BSG: variants seen among roughly 807,000 people sequenced by gnomAD.
BSG encodes the protein basigin.
BSG carries 37 observed loss-of-function variants against 43.1 expected under a neutral mutation model. The ratio of observed to expected loss-of-function variants is 0.86; its 90% CI spans 0.66 to 1.13. The LOEUF is 1.13. Ranked by LOEUF, BSG falls within the 50% of genes most tolerant of loss-of-function variation. The pLI, the probability that BSG is intolerant of heterozygous loss-of-function variation, is 0.00. For missense variants in BSG, 599 were observed against 554.2 expected (o/e 1.08, Z -0.81); for synonymous variants, 309 against 238.7 (o/e 1.29, Z -2.72).
intron 1 of BSG, among the ~76,000 whole-genome samples, chr19:575,819 G>A (rs531528464): frequency 5.3e-5 from 8 of 152,192 alleles, no homozygotes; most frequent in South Asian, 4.1e-4. Flanking sequence ...GTCAGGCGCC[G>A]TCCCTCCTCC....
chr19:579,152 C>T (rs919211724), intron 2 of BSG: 2 of 481,364 alleles, frequency 4.2e-6, no homozygotes, highest in African/African-American at 2.0e-5. Context: ...TCTGTCCCCA[C>T]ACCCTGGTCC....
At chr19:575,160 C>G (rs1981649862) in intron 1 of BSG, 1 of 152,354 alleles carries the variant, frequency 6.6e-6, no homozygotes, top group Non-Finnish European at 1.5e-5. Context: ...GCAGTGCTGG[C>G]AGCGCCGCCG....
upstream of BSG, chr19:571,285 T>C: frequency 3.5e-6 from 2 of 563,458 alleles, no homozygotes; most frequent in Admixed American, 6.4e-5. Context: ...TTCCCGCCAG[T>C]GTAGCCACAT....
At chr19:581,681 C>T (rs1982339590) in intron 6 of BSG, 90 bp downstream of exon 6, 1 of 1,440,206 alleles carries the variant, frequency 6.9e-7, no homozygotes, top group African/African-American at 1.4e-5. Context: ...CACCGCTGAC[C>T]CAGAGCTTGG....
upstream of BSG, chr19:571,361 C>A (rs28989770): frequency 1.7e-6 from 1 of 603,308 alleles, no homozygotes; most frequent in Non-Finnish European, 3.0e-6. Context: ...ATTGCGACTC[C>A]GAGTTTAACT....
Position 577,767 on chromosome 19 carries a change from C to G in BSG, c.68-7C>G. Reference sequence around the variant, plus strand: ...CTAACAAGACCCCACGCGTGCTCTCCCCACAGCCGGCTTCGTCCAGGCGCC... The same window carrying G: ...CTAACAAGACCCCACGCGTGCTCTCGCCACAGCCGGCTTCGTCCAGGCGCC... On this transcript the variant is annotated splice_region_variant and splice_polypyrimidine_tract_variant and intron_variant, in intron 1 of 8. Transcript: ENST00000333511. 7.1e-7 allele frequency: 1 copy of G among 1,411,502 alleles called. No homozygotes were observed. The highest frequency in any genetic ancestry group is 9.2e-7 in the Non-Finnish European group (1 of 1,081,508). 87.4% of individuals were successfully genotyped at this position (1,411,502 alleles called of 1,614,324 possible).
Position 577,888 on chromosome 19 carries a change from A to G in BSG, c.182A>G (p.Gln61Arg), listed in dbSNP as rs1265127559. The change falls in exon 2 of 9, where the codon CAG (glutamine) becomes CGG (arginine). Residue 61 changes from glutamine (Q) to arginine (R), a missense_variant. Physicochemically the swap from Gln to Arg is conservative, Grantham distance 43 (BLOSUM62 1). Coordinates refer to ENST00000333511, the MANE Select transcript of BSG (RefSeq NM_001728.4). The part of the protein sequence containing the change: ...VPEIQWWFEG[Q>R]GPNDTCSQLW... ...GAGATCCAGTGGTGGTTTGAAGGGC[A>G]GGGTCCCAACGACACCTGCTCCCAG... 1.3e-6 allele frequency: 2 copies of G among 1,585,686 alleles called. No individual in the cohort carries two copies. The highest frequency in any genetic ancestry group is 1.7e-5 in the Admixed American group (1 of 58,174).
Position 579,700 on chromosome 19 carries a change from G to A in BSG, c.572+44G>A, listed in dbSNP as rs112540819. The A allele has an allele frequency of 3.9e-5, 61 of 1,566,936 alleles. 2 individuals carry two copies. In the African/African-American group the frequency reaches 5.0e-4, roughly 13 times the overall value. On this transcript the variant is annotated intron_variant, in intron 3 of 8. Coordinates refer to ENST00000333511, the MANE Select transcript of BSG (RefSeq NM_001728.4). The stretch of plus-strand genomic sequence containing the variant: ...CATGCCGCCACCTGCCCCTTCTCAC[G>A]GCTCTCTTGCCGCCAGCGGCCTGTG...
intron 1 of BSG, among the ~76,000 whole-genome samples, chr19:574,750 C>T (rs779190961): frequency 3.2e-4 from 49 of 152,158 alleles, no homozygotes; most frequent in Non-Finnish European, 5.0e-4. Context: ...TCCTGACCTA[C>T]GTCTGAGATT....
In BSG at chr19:577,885, G is replaced by C. The variant is rs530415157; in HGVS notation, c.179G>C (p.Gly60Ala). Residue 60 changes from glycine (G) to alanine (A), a missense_variant, in exon 2 of 9, where the codon GGG becomes GCG. Gly to Ala is a moderately conservative substitution (Grantham distance 60). Coordinates refer to ENST00000333511, the MANE Select transcript of BSG (RefSeq NM_001728.4). ...CCCGAGATCCAGTGGTGGTTTGAAG[G>C]GCAGGGTCCCAACGACACCTGCTCC... is the stretch of plus-strand genomic sequence containing the variant. ...PVPEIQWWFEGQGPNDTCSQL... is the reference protein window; with the variant it reads ...PVPEIQWWFEAQGPNDTCSQL... 6.3e-7 allele frequency: 1 copy of C among 1,582,568 alleles called. No individual in the cohort carries two copies. Among genetic ancestry groups the C allele is most frequent in the East Asian group, 2.3e-5 (1 of 43,874 alleles).
chr19:577,263 C>T (rs987116870), intron 1 of BSG, among the ~76,000 whole-genome samples: 5 of 152,194 alleles, frequency 3.3e-5, no homozygotes, highest in South Asian at 2.1e-4. Context: ...TCTGGGTCGC[C>T]GCCCTCAGAG....
At position 582,957 on chromosome 19, in the gene BSG, C is replaced by T. The variant is rs1198957264; in HGVS notation, c.*213C>T. The T allele has an allele frequency of 4.1e-6, 1 of 243,652 alleles. No homozygotes were observed. Among genetic ancestry groups the T allele is most frequent in the Non-Finnish European group, 8.2e-6 (1 of 122,696 alleles). 15.1% of individuals were successfully genotyped at this position (243,652 alleles called of 1,614,324 possible). ...TTCCTTCTGAAGTGTTTCACGAGAG[C>T]CCGGGAGCTGCTGCCCTGCGGCCCC... On this transcript the variant is annotated 3_prime_UTR_variant, in exon 9 of 9. Coordinates refer to ENST00000333511, the MANE Select transcript of BSG (RefSeq NM_001728.4).
At chr19:576,095 C>T (rs530893566) in intron 1 of BSG, among the ~76,000 whole-genome samples, 1 of 152,222 alleles carries the variant, frequency 6.6e-6, no homozygotes, top group South Asian at 2.1e-4. Context: ...GCACCGGGAC[C>T]GGTGCAGATG....
rs749494951 is a variant in BSG at position 581,369 on chromosome 19, T to G, written c.847T>G (p.Ser283Ala). 6.2e-7 allele frequency: 1 copy of G among 1,612,736 alleles called. No homozygotes were observed. Among genetic ancestry groups the G allele is most frequent in the East Asian group, 2.2e-5 (1 of 44,868 alleles). Reference sequence around the variant, plus strand: ...CTTCGTGAGTTCCTCGCAGGGCCGGTCAGAGCTACACATTGAGAACCTGAA... The same window carrying G: ...CTTCGTGAGTTCCTCGCAGGGCCGGGCAGAGCTACACATTGAGAACCTGAA... ...RFFVSSSQGR[S>A]ELHIENLNME... The change falls in exon 6 of 9, where the codon TCA becomes GCA. Residue 283 changes from serine to alanine, a missense_variant. Transcript: ENST00000333511.
intron 7 of BSG, 77 bp from the exon 8 acceptor site, chr19:582,437 G>C (rs1234469218): frequency 6.2e-7 from 1 of 1,600,956 alleles, no homozygotes; most frequent in Middle Eastern, 1.7e-4. Context: ...GGGGTCCTGG[G>C]GGCCGGGGTG....
At chr19:572,408 G>GCGC (rs1239102615), upstream of BSG, 2 of 985,212 alleles carry the variant, frequency 2.0e-6, no homozygotes, top group Non-Finnish European at 2.4e-6. Flanking sequence ...CGGGTCACGT[G>GCGC]CGCCGCCGCC....
chr19:581,455 G>A lies in BSG; in HGVS notation c.933G>A (p.Gln311=). The change falls in exon 6 of 9, where the codon CAG becomes CAA. Residue 311 remains glutamine, a synonymous_variant. Transcript: ENST00000333511. ...GCACCAGCTCCAAGGGCTCCGACCA[G>A]GCCATCATCACGCTCCGCGTGCGCA... ...CNGTSSKGSD[Q]AIITLRVRSH... is the part of the protein sequence containing the mutation. 1 of 1,611,924 alleles carries A rather than the reference G, an allele frequency of 6.2e-7. No homozygotes were observed. Among genetic ancestry groups the A allele is most frequent in the Non-Finnish European group, 8.5e-7 (1 of 1,179,614 alleles).
chr19:575,543 G>A (rs1469041245), intron 1 of BSG, among the ~76,000 whole-genome samples: 6 of 150,224 alleles, frequency 4.0e-5, no homozygotes, highest in Admixed American at 4.0e-4. Flanking sequence ...GGGGTGGGTG[G>A]GGGAGGTGCC....
At chr19:580,025 G>A in intron 3 of BSG, 1 of 413,222 alleles carries the variant, frequency 2.4e-6, no homozygotes, top group East Asian at 4.7e-5. Flanking sequence ...ACGCTGTCAT[G>A]GCCGGAGCTT....
Sources: allele counts gnomAD v4.1 joint callset (sites outside exome capture counted in the v4.1 genomes callset), GRCh38; gene constraint gnomAD v4.1.1; transcripts MANE v1.5; gene names NCBI Gene and HGNC (gene_info 2026-07-23, HGNC 2026-07-21).